Variants in MTCL2 observed in about 807,000 individuals in gnomAD.
MTCL2 encodes microtubule crosslinking factor 2, also known as microtubule cross-linking factor 2.
At chr20:36,784,691 C>T in the MTCL2 span, 2 of 985,308 alleles carry the variant, frequency 2.0e-6, no homozygotes, top group East Asian at 1.1e-4. Context: ...TGAGCCACAT[C>T]GAAATCCAAC....
the MTCL2 span, among the ~76,000 whole-genome samples, chr20:36,855,223 G>T: frequency 6.6e-6 from 1 of 152,226 alleles, no homozygotes; most frequent in Non-Finnish European, 1.5e-5. Context: ...AACGTGCGGG[G>T]CAAGGACATC....
the MTCL2 span, chr20:36,829,126 C>A: frequency 6.3e-7 from 1 of 1,589,408 alleles, no homozygotes; most frequent in South Asian, 1.1e-5. Flanking sequence ...GCTGACGAAG[C>A]TCTTCGTTCT....
the MTCL2 span, chr20:36,809,900 G>T: frequency 6.7e-7 from 1 of 1,494,888 alleles, no homozygotes. Context: ...ACTTCAGAGG[G>T]CCCATAGATC....
the MTCL2 span, chr20:36,794,429 G>C: frequency 1.6e-5 from 26 of 1,614,018 alleles, no homozygotes; most frequent in Middle Eastern, 3.3e-4. The surrounding 1 kb of genome is among the most constrained non-coding windows in gnomAD (Gnocchi z 5.4). Flanking sequence ...GTCCCTCGAC[G>C]AGAGCCCAGG....
the MTCL2 span, chr20:36,859,473 C>T: frequency 1.3e-6 from 1 of 793,790 alleles, no homozygotes; most frequent in Non-Finnish European, 1.7e-6. Context: ...TCCCTCTGAA[C>T]CCTTCTCAAG....
At chr20:36,780,028 T>C in the MTCL2 span, 5 of 152,006 alleles carry the variant, frequency 3.3e-5, no homozygotes, top group East Asian at 9.7e-4. Context: ...TAAACCAAGA[T>C]TACAGAAAGT....
the MTCL2 span, chr20:36,793,273 A>G: frequency 6.4e-7 from 1 of 1,551,762 alleles, no homozygotes; most frequent in South Asian, 1.2e-5. This position sits in a 1 kb window ranked among gnomAD's most constrained non-coding sequence, Gnocchi z 6.8. Context: ...CCACGGCTCC[A>G]TCTCCGTCCC....
the MTCL2 span, among the ~76,000 whole-genome samples, chr20:36,838,142 G>A: frequency 6.6e-6 from 1 of 151,614 alleles, no homozygotes; most frequent in Non-Finnish European, 1.5e-5. Flanking sequence ...GCTCCGCCTC[G>A]TGGGTTCACG....
chr20:36,789,454 C>G, the MTCL2 span, among the ~76,000 whole-genome samples: 705 of 152,180 alleles, frequency 4.6e-3, 8 homozygotes, highest in African/African-American at 0.016. Flanking sequence ...TTGAGATTAG[C>G]AGTTCGAGAC....
the MTCL2 span, among the ~76,000 whole-genome samples, chr20:36,825,728 C>T: frequency 6.6e-6 from 1 of 152,214 alleles, no homozygotes; most frequent in African/African-American, 2.4e-5. Context: ...AGAAGAATTG[C>T]TCAGGGACCC....
At chr20:36,814,348 A>C in the MTCL2 span, among the ~76,000 whole-genome samples, 1 of 152,326 alleles carries the variant, frequency 6.6e-6, no homozygotes, top group African/African-American at 2.4e-5. Flanking sequence ...TGGGTGGAAA[A>C]ACAAATATAT....
chr20:36,836,817 CAT>C, the MTCL2 span, among the ~76,000 whole-genome samples: 16 of 152,108 alleles, frequency 1.1e-4, no homozygotes, highest in African/African-American at 2.4e-5. Flanking sequence ...TTGGTTGCCT[CAT>C]GTGTAGGACA....
chr20:36,843,096 G>C, the MTCL2 span, among the ~76,000 whole-genome samples: 1 of 152,186 alleles, frequency 6.6e-6, no homozygotes, highest in Non-Finnish European at 1.5e-5. Context: ...GCTTCTGTCC[G>C]AGCACCCCTC....
At chr20:36,812,218 A>C in the MTCL2 span, among the ~76,000 whole-genome samples, 1 of 152,196 alleles carries the variant, frequency 6.6e-6, no homozygotes, top group Non-Finnish European at 1.5e-5. Context: ...AATGTGGACC[A>C]TGCCTTAAGC....
the MTCL2 span, among the ~76,000 whole-genome samples, chr20:36,822,203 C>T: frequency 6.6e-6 from 1 of 152,280 alleles, no homozygotes; most frequent in African/African-American, 2.4e-5. Context: ...GGGCTGCACC[C>T]CGCAAGAAAG....
At chr20:36,837,071 G>A in the MTCL2 span, among the ~76,000 whole-genome samples, 4 of 152,154 alleles carry the variant, frequency 2.6e-5, no homozygotes, top group Admixed American at 2.0e-4. Context: ...GCATCCTGCC[G>A]CTCCCCTGGG....
the MTCL2 span, chr20:36,862,766 G>A: frequency 6.9e-7 from 1 of 1,448,068 alleles, no homozygotes; most frequent in Non-Finnish European, 9.1e-7. Context: ...GCGAGGCGCT[G>A]AGCGGCAAGC....
At chr20:36,852,754 T>C in the MTCL2 span, among the ~76,000 whole-genome samples, 80 of 152,172 alleles carry the variant, frequency 5.3e-4, no homozygotes, top group African/African-American at 1.8e-3. Context: ...TTTCAGGAAG[T>C]TGCATCAAAG....
chr20:36,801,415 C>A, the MTCL2 span, among the ~76,000 whole-genome samples: 10,720 of 151,642 alleles, frequency 0.071, 511 homozygotes, highest in Middle Eastern at 0.17. Flanking sequence ...AAAAAACAAA[C>A]AAAACAAAAC....
Sources: allele counts gnomAD v4.1 joint callset (sites outside exome capture counted in the v4.1 genomes callset), GRCh38; gene constraint gnomAD v4.1.1; non-coding constraint Gnocchi (gnomAD v3.1); transcripts MANE v1.5; gene names NCBI Gene and HGNC (gene_info 2026-07-23, HGNC 2026-07-21).